BANF2: variants seen among roughly 807,000 people sequenced by gnomAD.
BANF2 encodes BANF family member 2.
BANF2 carries 4 observed loss-of-function variants against 8.0 expected under a neutral mutation model. The ratio of observed to expected loss-of-function variants is 0.50; its 90% CI spans 0.25 to 1.14. The LOEUF is 1.14. Ranked by LOEUF, BANF2 falls within the 50% of genes most tolerant of loss-of-function variation. The pLI, the probability that BANF2 is intolerant of heterozygous loss-of-function variation, is 0.16. For synonymous variants in BANF2, 50 were observed against 40.6 expected (o/e 1.23, Z -0.88); for missense variants, 96 against 107.5 (o/e 0.89, Z 0.47).
chr20:17,707,382 C>CAAAATAAAAAAAA (rs2037498168), intron 1 of BANF2, among the ~76,000 whole-genome samples: 1 of 142,352 alleles, frequency 7.0e-6, no homozygotes, highest in African/African-American at 2.7e-5. Context: ...GACTCTGTGT[C>CAAAATAAAAAAAA]AAAAAAAAGA....
chr20:17,702,899 G>C (rs1471222348), intron 1 of BANF2, among the ~76,000 whole-genome samples: 2 of 152,196 alleles, frequency 1.3e-5, no homozygotes, highest in African/African-American at 4.8e-5. Flanking sequence ...GTGGGACTGA[G>C]GAGCTGCGCT....
rs774723689 is a variant in BANF2 at position 17,735,648 on chromosome 20, T to G, written c.127-17T>G. On this transcript the variant is annotated splice_polypyrimidine_tract_variant and intron_variant, in intron 3 of 3. Transcript: ENST00000246090. ...ATAACCTTTCCTGCTTTCCTCCCTGTCTCATCCCCTCCCCAGGCCTACATC... is the reference window on the plus strand; with the variant it reads ...ATAACCTTTCCTGCTTTCCTCCCTGGCTCATCCCCTCCCCAGGCCTACATC... The G allele has an allele frequency of 6.8e-6, 11 of 1,611,826 alleles. No homozygotes were observed. In the East Asian group the frequency reaches 2.5e-4, roughly 36 times the overall value.
intron 1 of BANF2, among the ~76,000 whole-genome samples, chr20:17,694,599 C>CTTTTTTTTTTTTTTT (rs1256251082): frequency 1.9e-4 from 16 of 82,782 alleles, no homozygotes; most frequent in East Asian, 5.1e-4. Context: ...TTTTTTCTCT[C>CTTTTTTTTTTTTTTT]TCTTTTTTTT....
intron 1 of BANF2, among the ~76,000 whole-genome samples, chr20:17,711,171 G>A (rs1743844755): frequency 6.6e-6 from 1 of 152,186 alleles, no homozygotes; most frequent in Admixed American, 6.5e-5. Flanking sequence ...AAACCTCCTG[G>A]GAGGTCTGGG....
chr20:17,735,131 A>T (rs2037958197), intron 3 of BANF2, among the ~76,000 whole-genome samples: 1 of 152,118 alleles, frequency 6.6e-6, no homozygotes, highest in Admixed American at 6.6e-5. Context: ...AAGAGAAGAA[A>T]AGAAAAGAAA....
chr20:17,697,860 T>C (rs555621130), upstream of BANF2, among the ~76,000 whole-genome samples: 6 of 152,236 alleles, frequency 3.9e-5, no homozygotes, highest in South Asian at 1.0e-3. Context: ...ATGAATGTCT[T>C]GGTGCTGTAC....
chr20:17,693,879 T>C (rs538742824), intron 1 of BANF2, among the ~76,000 whole-genome samples: 1 of 152,342 alleles, frequency 6.6e-6, no homozygotes, highest in South Asian at 2.1e-4. Flanking sequence ...GCCCTCCTTA[T>C]TCCCGCATCT....
At chr20:17,726,477 C>T (rs535058810) in intron 3 of BANF2, among the ~76,000 whole-genome samples, 1 of 152,324 alleles carries the variant, frequency 6.6e-6, no homozygotes, top group East Asian at 1.9e-4. Flanking sequence ...TGCAAGCCAT[C>T]ACACCTGATG....
chr20:17,707,814 A>G (rs1261532598), intron 1 of BANF2, among the ~76,000 whole-genome samples: 1 of 151,872 alleles, frequency 6.6e-6, no homozygotes, highest in Non-Finnish European at 1.5e-5. Flanking sequence ...TTCTGACCTC[A>G]GATGATCCAC....
At chr20:17,732,333 G>T (rs764770908) in intron 3 of BANF2, among the ~76,000 whole-genome samples, 1 of 152,172 alleles carries the variant, frequency 6.6e-6, no homozygotes, top group Admixed American at 6.5e-5. Context: ...TTTGCACTTG[G>T]AGTTTAGGGG....
At chr20:17,732,826 G>T (rs1472708165) in intron 3 of BANF2, among the ~76,000 whole-genome samples, 1 of 152,216 alleles carries the variant, frequency 6.6e-6, no homozygotes, top group Non-Finnish European at 1.5e-5. Context: ...GGCCCAAGGA[G>T]GGAAAGGGGC....
chr20:17,723,923 A>G (rs1312655190), intron 2 of BANF2, among the ~76,000 whole-genome samples: 1 of 152,200 alleles, frequency 6.6e-6, no homozygotes, highest in Non-Finnish European at 1.5e-5. Context: ...TGAACGCAGG[A>G]GGCAGTGGTT....
chr20:17,693,690 T>G (rs1373691217), exon 1 of BANF2: 1 of 1,551,638 alleles, frequency 6.4e-7, no homozygotes, highest in Non-Finnish European at 8.7e-7. Context: ...CTGCGCTGAA[T>G]GCTGCGAGGA....
chr20:17,695,219 A>G (rs1018049405), upstream of BANF2, among the ~76,000 whole-genome samples: 1 of 151,840 alleles, frequency 6.6e-6, no homozygotes, highest in African/African-American at 2.4e-5. Flanking sequence ...GGCTGAGCCC[A>G]GAGGATTGCT....
intron 3 of BANF2, among the ~76,000 whole-genome samples, chr20:17,731,003 G>T (rs1381314390): frequency 6.6e-6 from 1 of 152,350 alleles, no homozygotes; most frequent in Admixed American, 6.5e-5. Context: ...TAAGCCGGGC[G>T]TGGTAGCTCC....
upstream of BANF2, among the ~76,000 whole-genome samples, chr20:17,698,973 G>A (rs1437657201): frequency 6.6e-6 from 1 of 152,176 alleles, no homozygotes; most frequent in Non-Finnish European, 1.5e-5. Flanking sequence ...AAAGTGTGTA[G>A]TCTCAGAGCA....
intron 1 of BANF2, among the ~76,000 whole-genome samples, chr20:17,711,758 G>T (rs958379278): frequency 1.3e-5 from 2 of 152,214 alleles, no homozygotes; most frequent in Non-Finnish European, 2.9e-5. Flanking sequence ...AGAGGTGACA[G>T]TCCAGAGAAA....
rs139011502 is a variant in BANF2 at position 17,702,427 on chromosome 20, G to A, written c.-167+2372G>A. Among the ~76,000 whole-genome samples the A allele has an allele frequency of 5.3e-5, 8 of 152,330 alleles. No individual in the cohort carries two copies. In the East Asian group the frequency reaches 5.8e-4, roughly 11 times the overall value. ...TAATCGAAAGCAGCTTCAGCTAATTGTGGCACTCTCCCTTCTGCGTGGTGC... is the reference window on the plus strand; with the variant it reads ...TAATCGAAAGCAGCTTCAGCTAATTATGGCACTCTCCCTTCTGCGTGGTGC... On this transcript the variant is annotated intron_variant, in intron 1 of 3. Transcript: ENST00000246090.
chr20:17,706,290 C>A (rs540724283), intron 1 of BANF2, among the ~76,000 whole-genome samples: 1 of 152,234 alleles, frequency 6.6e-6, no homozygotes, highest in African/African-American at 2.4e-5. Flanking sequence ...ACCTTTGAGA[C>A]CCTCATTCAC....
Sources: gnomAD v4.1 joint callset for allele counts (sites outside exome capture counted in the v4.1 genomes callset) on GRCh38, gnomAD v4.1.1 for gene constraint, MANE v1.5 for transcripts, NCBI Gene and HGNC (gene_info 2026-07-23, HGNC 2026-07-21) for gene names.